Variants in SHLD1 observed in about 807,000 individuals in gnomAD.
SHLD1 encodes the protein RINN1-REV7-interacting novel NHEJ regulator 3.
SHLD1 carries 3 observed loss-of-function variants against 5.5 expected under a neutral mutation model. The observed-to-expected ratio is 0.54, with a 90% confidence interval of 0.25 to 1.40. SHLD1 has a LOEUF of 1.40. Among genes scored for constraint, SHLD1 ranks in the 40% most tolerant of loss-of-function variants. The probability of loss-of-function intolerance (pLI) is 0.15; values close to 1 mark genes in which losing one functional copy is unlikely to be tolerated. For synonymous variants in SHLD1, 92 were observed against 94.3 expected (o/e 0.98, Z 0.14); for missense variants, 210 against 244.4 (o/e 0.86, Z 0.94).
In SHLD1 at chr20:5,863,602, G is replaced by A. The variant is rs2088193419; in HGVS notation, c.*139G>A. 2.4e-6 allele frequency: 2 copies of A among 828,910 alleles called. No homozygotes were observed. Among genetic ancestry groups the A allele is most frequent in the African/African-American group, 3.5e-5 (2 of 57,598 alleles). 51.3% of individuals were successfully genotyped at this position (828,910 alleles called of 1,614,324 possible). On this transcript the variant is annotated 3_prime_UTR_variant, in exon 3 of 3. Coordinates refer to ENST00000303142, the MANE Select transcript of SHLD1 (RefSeq NM_152504.4). ...ATTAAGTGCTTTGAGGTTAAAGGCT[G>A]GCACCTGTGACCTGGTATTGGAGCC...
intron 2 of SHLD1, among the ~76,000 whole-genome samples, chr20:5,798,327 C>T (rs114921276): frequency 0.028 from 4,171 of 150,466 alleles, 209 homozygotes; most frequent in African/African-American, 0.096. Flanking sequence ...TTTTTTGAGA[C>T]GAAGTCTTTC....
chr20:5,863,838 A>C lies in SHLD1; in HGVS notation c.*375A>C, dbSNP rs1382054109. 1.2e-5 allele frequency: 2 copies of C among 169,822 alleles called. No individual in the cohort carries two copies. Among genetic ancestry groups the C allele is most frequent in the Non-Finnish European group, 2.5e-5 (2 of 80,662 alleles). 10.5% of individuals were successfully genotyped at this position (169,822 alleles called of 1,614,324 possible). A position where few individuals can be genotyped will look rare whatever the true frequency, so the allele number is the denominator to read the frequency against. On this transcript the variant is annotated 3_prime_UTR_variant, in exon 3 of 3. Transcript: ENST00000303142. ...TGAAATCACACCCTTGCTGGGCTTA[A>C]TCCCTTTCCCTACCCTCCCATTTAT...
At chr20:5,752,759 G>A (rs1983836239) in intron 1 of SHLD1, among the ~76,000 whole-genome samples, 1 of 151,712 alleles carries the variant, frequency 6.6e-6, no homozygotes, top group African/African-American at 2.4e-5. Flanking sequence ...GGGATTACAG[G>A]TGTGCACCAC....
intron 1 of SHLD1, among the ~76,000 whole-genome samples, chr20:5,758,421 TTA>T (rs141622525): frequency 0.34 from 49,092 of 144,724 alleles, 9,241 homozygotes; most frequent in Non-Finnish European, 0.43. Context: ...TTATTTTTTT[TTA>T]TATTTTTTTT....
At chr20:5,845,459 T>G (rs1033802876) in intron 2 of SHLD1, among the ~76,000 whole-genome samples, 1 of 152,182 alleles carries the variant, frequency 6.6e-6, no homozygotes, top group Admixed American at 6.5e-5. Context: ...ATCTCTTCTC[T>G]TAGGACAAAA....
At chr20:5,841,275 T>C (rs552413966) in intron 2 of SHLD1, among the ~76,000 whole-genome samples, 1 of 152,306 alleles carries the variant, frequency 6.6e-6, no homozygotes, top group East Asian at 1.9e-4. Context: ...ACATAAATCT[T>C]ATGTGTTACA....
chr20:5,816,103 AAAAAG>A lies in SHLD1; in HGVS notation c.178+43064_178+43068del, dbSNP rs1450317854. Among the ~76,000 whole-genome samples the A allele has an allele frequency of 5.8e-3, 870 of 151,290 alleles. 2 individuals carry two copies. The highest frequency in any genetic ancestry group is 0.02 in the African/African-American group (843 of 41,190). ...CTCAAAAAAACGAAAAAAAAAAAAAAAAAAGAAAGAAAAAGAAATGGCATAAACTG... is the reference window on the plus strand; with the variant it reads ...CTCAAAAAAACGAAAAAAAAAAAAAAAAAGAAAAAGAAATGGCATAAACTG... On this transcript the variant is annotated intron_variant, in intron 2 of 2. Coordinates refer to ENST00000303142, the MANE Select transcript of SHLD1 (RefSeq NM_152504.4).
chr20:5,847,358 A>G (rs930966321), intron 2 of SHLD1, among the ~76,000 whole-genome samples: 6 of 152,222 alleles, frequency 3.9e-5, no homozygotes, highest in Non-Finnish European at 5.9e-5. Flanking sequence ...TGGTAGTGAT[A>G]AGCCGATGCC....
chr20:5,828,781 A>G (rs534661671), intron 2 of SHLD1, among the ~76,000 whole-genome samples: 2 of 152,346 alleles, frequency 1.3e-5, no homozygotes, highest in Admixed American at 1.3e-4. Flanking sequence ...TGTAATAGGC[A>G]TTATCAGGTC....
At chr20:5,796,533 G>T (rs922342821) in intron 2 of SHLD1, among the ~76,000 whole-genome samples, 1 of 151,994 alleles carries the variant, frequency 6.6e-6, no homozygotes, top group Non-Finnish European at 1.5e-5. Context: ...GAGTTAGAAA[G>T]GGGGGAGATG....
In SHLD1 at chr20:5,853,006, T is replaced by C. The variant is rs76274403; in HGVS notation, c.179-10018T>C. ...ACCAAGTTCCTGGGCTCTGGAATTA[T>C]TAAACATACAGGAAAGAGGTCTATT... On this transcript the variant is annotated intron_variant, in intron 2 of 2. Coordinates refer to ENST00000303142, the MANE Select transcript of SHLD1 (RefSeq NM_152504.4). Among the ~76,000 whole-genome samples the C allele has an allele frequency of 8.1e-3, 1,234 of 152,322 alleles. 14 individuals are homozygous for C. The highest frequency in any genetic ancestry group is 0.028 in the African/African-American group (1,170 of 41,556).
intron 2 of SHLD1, among the ~76,000 whole-genome samples, chr20:5,786,458 C>T (rs1371339431): frequency 6.6e-6 from 1 of 152,060 alleles, no homozygotes; most frequent in East Asian, 1.9e-4. Context: ...ACCTACAGTC[C>T]CAGGTACTTA....
chr20:5,851,295 G>C (rs1273641985), intron 2 of SHLD1, among the ~76,000 whole-genome samples: 1 of 152,148 alleles, frequency 6.6e-6, no homozygotes, highest in Non-Finnish European at 1.5e-5. Context: ...AGACCAGCCT[G>C]ACCAACATGG....
At position 5,838,339 on chromosome 20, in the gene SHLD1, G is replaced by A. The variant is rs192574673; in HGVS notation, c.179-24685G>A. Among the ~76,000 whole-genome samples the A allele has an allele frequency of 2.4e-3, 364 of 152,272 alleles. 2 individuals are homozygous for A. Among genetic ancestry groups the A allele is most frequent in the Non-Finnish European group, 2.8e-3 (191 of 68,018 alleles). The stretch of plus-strand genomic sequence containing the variant: ...TAGTAAGTTGGAGTGGTAGATTATG[G>A]GAAATGGAAAGGAGAATGGAAGGAA... On this transcript the variant is annotated intron_variant, in intron 2 of 2. Coordinates refer to ENST00000303142, the MANE Select transcript of SHLD1 (RefSeq NM_152504.4).
At chr20:5,853,962 C>T (rs1196460627) in intron 2 of SHLD1, among the ~76,000 whole-genome samples, 1 of 151,854 alleles carries the variant, frequency 6.6e-6, no homozygotes, top group East Asian at 1.9e-4. Context: ...GCCTTAGCCT[C>T]CCGAGTAGCT....
intron 2 of SHLD1, among the ~76,000 whole-genome samples, chr20:5,851,758 C>G (rs940008001): frequency 6.6e-6 from 1 of 151,438 alleles, no homozygotes; most frequent in Non-Finnish European, 1.5e-5. Context: ...ATGTCTGTCC[C>G]GTCTAAATCT....
At position 5,815,980 on chromosome 20, in the gene SHLD1, T is replaced by C. The variant is rs1035194847; in HGVS notation, c.178+42937T>C. On this transcript the variant is annotated intron_variant, in intron 2 of 2. Coordinates refer to ENST00000303142, the MANE Select transcript of SHLD1 (RefSeq NM_152504.4). ...CCTGTAATTCCAGCTACTCCAGAGG[T>C]TGAGGCATGAGAATCACTTGAACCC... 2.0e-5 allele frequency among the ~76,000 whole-genome samples: 3 copies of C among 149,318 alleles called. No individual in the cohort carries two copies. In the East Asian group the frequency reaches 5.9e-4, roughly 29 times the overall value.
At chr20:5,753,516 C>T (rs1205877748) in intron 1 of SHLD1, among the ~76,000 whole-genome samples, 1 of 152,206 alleles carries the variant, frequency 6.6e-6, no homozygotes, top group African/African-American at 2.4e-5. Context: ...TAACAAAAAA[C>T]AGCCTGAAAA....
At chr20:5,777,588 T>TAA (rs140837106) in intron 2 of SHLD1, among the ~76,000 whole-genome samples, 3,627 of 141,300 alleles carry the variant, frequency 0.026, 154 homozygotes, top group African/African-American at 0.089. Flanking sequence ...CCTAGCTAAT[T>TAA]AAAAAAAATT....
Sources: gnomAD v4.1 joint callset for allele counts (sites outside exome capture counted in the v4.1 genomes callset) on GRCh38, gnomAD v4.1.1 for gene constraint, MANE v1.5 for transcripts, NCBI Gene and HGNC (gene_info 2026-07-23, HGNC 2026-07-21) for gene names.